Variants in PPARGC1A observed in about 807,000 individuals in gnomAD.
PPARGC1A encodes PPARG coactivator 1 alpha, also known as peroxisome proliferator-activated receptor gamma coactivator 1-alpha.
Under a neutral mutation model 88.7 loss-of-function variants are expected in PPARGC1A, and 25 were observed. The ratio of observed to expected loss-of-function variants is 0.28; its 90% CI spans 0.21 to 0.39. The LOEUF (loss-of-function observed/expected upper bound fraction) is 0.39, where lower values mean the gene tolerates loss of function less well. Among genes scored for constraint, PPARGC1A ranks in the 10% least tolerant of loss-of-function variants. The pLI is 1.00. For missense variants in PPARGC1A, 880 were observed against 968.7 expected, an observed-to-expected ratio of 0.91 and a Z score of 1.22; for synonymous variants, 363 against 355.6, an observed-to-expected ratio of 1.02 and a Z score of -0.24.
At chr4:23,884,222 AT>A (rs1434152137) in intron 2 of PPARGC1A, 1 of 152,476 alleles carries the variant, frequency 6.6e-6, no homozygotes, top group Non-Finnish European at 1.5e-5. Flanking sequence ...TATACAGTAG[AT>A]TAGTCAAGTT....
At chr4:24,436,044 C>A in the PPARGC1A span, among the ~76,000 whole-genome samples, 1 of 152,226 alleles carries the variant, frequency 6.6e-6, no homozygotes, top group African/African-American at 2.4e-5. Context: ...ACATGAGCCA[C>A]TGTCACTCCT....
At chr4:24,081,743 A>G in the PPARGC1A span, among the ~76,000 whole-genome samples, 7 of 146,492 alleles carry the variant, frequency 4.8e-5, no homozygotes, top group African/African-American at 1.7e-4. Flanking sequence ...TAAGAACACA[A>G]TTTTTTTTTT....
chr4:24,119,701 C>T, the PPARGC1A span, among the ~76,000 whole-genome samples: 6 of 151,914 alleles, frequency 3.9e-5, no homozygotes, highest in South Asian at 2.1e-4. Context: ...AATAGGAAAA[C>T]GGCAGCAAAA....
chr4:24,118,242 G>A, the PPARGC1A span, among the ~76,000 whole-genome samples: 1 of 152,108 alleles, frequency 6.6e-6, no homozygotes, highest in African/African-American at 2.4e-5. Flanking sequence ...ATGGGCCAAG[G>A]CAGGGACTCC....
At chr4:24,295,481 C>A in the PPARGC1A span, among the ~76,000 whole-genome samples, 2 of 151,950 alleles carry the variant, frequency 1.3e-5, no homozygotes, top group African/African-American at 4.8e-5. Context: ...GGAAAACCAT[C>A]AGAGAGGGCA....
the PPARGC1A span, among the ~76,000 whole-genome samples, chr4:24,219,594 C>T: frequency 6.6e-6 from 1 of 152,296 alleles, no homozygotes; most frequent in African/African-American, 2.4e-5. Flanking sequence ...ATTCTCTTAA[C>T]TCTTACCTAT....
At chr4:23,856,790 A>G (rs1730261241) in intron 2 of PPARGC1A, among the ~76,000 whole-genome samples, 2 of 152,076 alleles carry the variant, frequency 1.3e-5, no homozygotes, top group Non-Finnish European at 2.9e-5. Flanking sequence ...CAATAACAGA[A>G]GCCGGACTCT....
chr4:24,064,894 T>G, the PPARGC1A span, among the ~76,000 whole-genome samples: 6 of 152,178 alleles, frequency 3.9e-5, no homozygotes, highest in African/African-American at 1.4e-4. Context: ...TTAGTGGATG[T>G]TGGAGTTCAA....
chr4:23,912,284 T>TCA, the PPARGC1A span, among the ~76,000 whole-genome samples: 1 of 152,124 alleles, frequency 6.6e-6, no homozygotes, highest in Admixed American at 6.6e-5. Context: ...TGACCTCAGC[T>TCA]CACAGCTCTA....
chr4:23,819,540 T>C (rs942070236), intron 7 of PPARGC1A, among the ~76,000 whole-genome samples: 1 of 152,140 alleles, frequency 6.6e-6, no homozygotes, highest in Admixed American at 6.6e-5. Flanking sequence ...AAGGGGAACC[T>C]GGCATTTCAG....
chr4:24,187,295 A>T, the PPARGC1A span, among the ~76,000 whole-genome samples: 1 of 152,178 alleles, frequency 6.6e-6, no homozygotes, highest in Non-Finnish European at 1.5e-5. Flanking sequence ...TAGCCATCAG[A>T]TGAGGGGAGC....
chr4:24,031,296 T>G, the PPARGC1A span, among the ~76,000 whole-genome samples: 2 of 152,190 alleles, frequency 1.3e-5, no homozygotes, highest in Non-Finnish European at 2.9e-5. Context: ...TTCTGGCCCC[T>G]TAATAGATGA....
chr4:24,302,117 C>G, the PPARGC1A span, among the ~76,000 whole-genome samples: 2 of 152,232 alleles, frequency 1.3e-5, no homozygotes, highest in African/African-American at 2.4e-5. Context: ...CAAGCTGCCT[C>G]CAAAAATCCA....
the PPARGC1A span, among the ~76,000 whole-genome samples, chr4:24,254,132 C>T: frequency 6.6e-6 from 1 of 152,036 alleles, no homozygotes; most frequent in Admixed American, 6.6e-5. Flanking sequence ...GAAACTTTTC[C>T]CTGGATTGCC....
chr4:24,430,688 A>T, the PPARGC1A span, among the ~76,000 whole-genome samples: 1 of 152,118 alleles, frequency 6.6e-6, no homozygotes, highest in African/African-American at 2.4e-5. Context: ...AAAATCAGGT[A>T]TATTTAGTGT....
chr4:24,470,277 G>GACACACAGACACACAC, the PPARGC1A span, among the ~76,000 whole-genome samples: 2 of 110,676 alleles, frequency 1.8e-5, no homozygotes, highest in East Asian at 2.7e-4. This position sits in a 1 kb window ranked among gnomAD's most constrained non-coding sequence, Gnocchi z 5.8. Flanking sequence ...GACAGACACA[G>GACACACAGACACACAC]ACACACACAC....
chr4:24,242,758 C>T, the PPARGC1A span, among the ~76,000 whole-genome samples: 1 of 152,166 alleles, frequency 6.6e-6, no homozygotes, highest in South Asian at 2.1e-4. Context: ...CTCAGGACTC[C>T]AGTCCTGCTG....
chr4:24,143,393 C>G, the PPARGC1A span, among the ~76,000 whole-genome samples: 3 of 152,190 alleles, frequency 2.0e-5, no homozygotes, highest in South Asian at 6.2e-4. Context: ...CAAGCAATAG[C>G]TGAAATCGAG....
At chr4:24,186,308 A>T in the PPARGC1A span, among the ~76,000 whole-genome samples, 11 of 152,302 alleles carry the variant, frequency 7.2e-5, no homozygotes, top group East Asian at 1.7e-3. Context: ...GTTAGAGTCA[A>T]GCAACGTCAG....
Sources: allele counts gnomAD v4.1 joint callset (sites outside exome capture counted in the v4.1 genomes callset), GRCh38; gene constraint gnomAD v4.1.1; non-coding constraint Gnocchi (gnomAD v3.1); transcripts MANE v1.5; gene names NCBI Gene and HGNC (gene_info 2026-07-23, HGNC 2026-07-21).